The following CENPF variants were observed in gnomAD, a reference collection of about 807,000 sequenced individuals.
CENPF encodes centromere protein F.
A neutral mutation model predicts 307.3 loss-of-function variants in CENPF; 214 were observed. That is an observed-to-expected ratio of 0.70 (90% confidence interval 0.62 to 0.78). The LOEUF is 0.78. Ranked by LOEUF, CENPF falls within the 30% of genes least tolerant of loss-of-function variation. The probability of loss-of-function intolerance (pLI) is 0.00; values close to 1 mark genes in which losing one functional copy is unlikely to be tolerated. For missense variants in CENPF, 3,401 were observed against 3,483.9 expected (o/e 0.98, Z 0.60); for synonymous variants, 1,259 against 1,270.6 (o/e 0.99, Z 0.19).
At position 214,647,188 on chromosome 1, in the gene CENPF, A is replaced by C. The variant is rs1262467355; in HGVS notation, c.7618A>C (p.Lys2540Gln). 1 of 1,614,152 alleles carries C rather than the reference A, an allele frequency of 6.2e-7. No homozygotes were observed. The highest frequency in any genetic ancestry group is 8.5e-7 in the Non-Finnish European group (1 of 1,179,998). ...TCAAGACCAAGAGCAGCTTGTCTCT[A>C]AACTGTCCCAGGTGGAAGGAGAGCA... ...QIQDQEQLVS[K>Q]LSQVEGEHQL... Residue 2540 changes from lysine to glutamine, a missense_variant, in exon 13 of 20, where the codon AAA becomes CAA. By Grantham distance (53) the Lys-to-Gln change is moderately conservative (BLOSUM62 1). Transcript: ENST00000366955.
chr1:214,610,435 A>G (rs369944142), intron 1 of CENPF, among the ~76,000 whole-genome samples: 34 of 149,898 alleles, frequency 2.3e-4, no homozygotes, highest in African/African-American at 7.6e-4. Context: ...TTCTCTAATG[A>G]TAGTGATATT....
At chr1:214,616,440 TATG>T (rs1341894933) in intron 3 of CENPF, among the ~76,000 whole-genome samples, 2 of 152,178 alleles carry the variant, frequency 1.3e-5, no homozygotes, top group Non-Finnish European at 2.9e-5. Context: ...AAGTGGCAAT[TATG>T]ATGTACTTCA....
At chr1:214,625,293 C>T (rs1364618660) in intron 7 of CENPF, among the ~76,000 whole-genome samples, 3 of 152,136 alleles carry the variant, frequency 2.0e-5, no homozygotes, top group Non-Finnish European at 4.4e-5. Context: ...CAGCTCACTG[C>T]AATCTCTGCC....
chr1:214,660,019 A>T (rs569438797), intron 19 of CENPF, among the ~76,000 whole-genome samples: 9 of 152,358 alleles, frequency 5.9e-5, no homozygotes, highest in Non-Finnish European at 1.3e-4. Flanking sequence ...GTGATAATTC[A>T]TAAGTGAGCA....
At chr1:214,617,677 A>T (rs1384933879) in intron 3 of CENPF, among the ~76,000 whole-genome samples, 2 of 152,148 alleles carry the variant, frequency 1.3e-5, no homozygotes, top group African/African-American at 2.4e-5. Context: ...TCTGTGTTTT[A>T]AAAATGTCAT....
intron 2 of CENPF, 37 bp from the exon 3 acceptor site, chr1:214,614,795 A>G (rs1324699437): frequency 7.2e-7 from 1 of 1,393,078 alleles, no homozygotes; most frequent in Non-Finnish European, 9.7e-7. Flanking sequence ...AATTCACAAA[A>G]TAAGGGAGTT....
intron 1 of CENPF, chr1:214,613,310 C>A: frequency 7.9e-6 from 2 of 254,318 alleles, no homozygotes; most frequent in Non-Finnish European, 7.9e-6. Context: ...ACTATGCCAC[C>A]TCCTACCTTT....
At position 214,642,242 on chromosome 1, in the gene CENPF, G is replaced by A; in HGVS notation, c.3904G>A (p.Glu1302Lys). ...SLQTTMNKLN[E>K]LEKICEILQA... is the part of the protein sequence containing the mutation. The stretch of plus-strand genomic sequence containing the variant: ...GCAAACAACAATGAACAAGCTGAAT[G>A]AGCTAGAGAAAATATGTGAAATACT... Residue 1302 changes from glutamate to lysine, a missense_variant, in exon 12 of 20, where the codon GAG becomes AAG. By Grantham distance (56) the Glu-to-Lys change is moderately conservative. Transcript: ENST00000366955. 1 of 1,614,014 alleles carries A rather than the reference G, an allele frequency of 6.2e-7. No individual in the cohort carries two copies. The highest frequency in any genetic ancestry group is 8.5e-7 in the Non-Finnish European group (1 of 1,179,988).
intron 9 of CENPF, among the ~76,000 whole-genome samples, chr1:214,631,666 A>G (rs1009872163): frequency 6.6e-6 from 1 of 151,884 alleles, no homozygotes; most frequent in African/African-American, 2.4e-5. Context: ...CGCCTGGCTG[A>G]TTTTTGTATT....
rs761468200 is a variant in CENPF, at chr1:214,640,730, G to C, written c.2392G>C (p.Ala798Pro). ...DQQPAMHHSF[A>P]NIIGEQGSMP... ...GCAGCCTGCCATGCATCATTCCTTT[G>C]CAAATATAATTGGAGAACAAGGAAG... is the stretch of plus-strand genomic sequence containing the variant. Residue 798 changes from alanine (A) to proline (P), a missense_variant, in exon 12 of 20, where the codon GCA becomes CCA. Physicochemically the swap from Ala to Pro is conservative, Grantham distance 27. Coordinates refer to ENST00000366955, the MANE Select transcript of CENPF (RefSeq NM_016343.4). 6.2e-7 allele frequency: 1 copy of C among 1,614,096 alleles called. No homozygotes were observed. The highest frequency in any genetic ancestry group is 8.5e-7 in the Non-Finnish European group (1 of 1,180,004).
chr1:214,616,247 T>G (rs1558170572), intron 3 of CENPF, among the ~76,000 whole-genome samples: 1 of 152,174 alleles, frequency 6.6e-6, no homozygotes, highest in Non-Finnish European at 1.5e-5. Flanking sequence ...ATACTTTTGT[T>G]TAAGTAATAA....
In CENPF at chr1:214,645,495, G is replaced by A. The variant is rs1235456636; in HGVS notation, c.5925G>A (p.Thr1975=). The change falls in exon 13 of 20, where the codon ACG becomes ACA. Residue 1975 remains threonine, a synonymous_variant. Coordinates refer to ENST00000366955, the MANE Select transcript of CENPF (RefSeq NM_016343.4). ...TAGATACTATGTCAAAAAAAACCACGGCACTGGATCAGTTGTCTGAAAAAA... is the reference window on the plus strand; with the variant it reads ...TAGATACTATGTCAAAAAAAACCACAGCACTGGATCAGTTGTCTGAAAAAA... ...GELDTMSKKT[T]ALDQLSEKMK... 3.1e-6 allele frequency: 5 copies of A among 1,613,796 alleles called. No homozygotes were observed. Among genetic ancestry groups the A allele is most frequent in the Non-Finnish European group, 3.4e-6 (4 of 1,180,006 alleles).
chr1:214,652,209 G>T (rs1341757858), intron 15 of CENPF, among the ~76,000 whole-genome samples: 8 of 149,476 alleles, frequency 5.4e-5, no homozygotes, highest in Non-Finnish European at 1.2e-4. Context: ...CTAATTTTTT[G>T]TATTTTTAGT....
chr1:214,607,051 C>A (rs904489986), intron 1 of CENPF, among the ~76,000 whole-genome samples: 1 of 152,230 alleles, frequency 6.6e-6, no homozygotes, highest in African/African-American at 2.4e-5. Flanking sequence ...CCACAGCTCG[C>A]CACTCACCCA....
intron 1 of CENPF, chr1:214,608,419 T>C: frequency 6.2e-7 from 1 of 1,613,600 alleles, no homozygotes; most frequent in Admixed American, 1.7e-5. Flanking sequence ...GGAGAAGATG[T>C]TGCAATGGAG....
In CENPF at chr1:214,657,057, C is replaced by T; in HGVS notation, c.8610C>T (p.Ser2870=). ...ATAAGTACTGTTCCTTGCTTATAAGCCATGAAAAGTTAGAGAAAGCTAAAG... is the reference window on the plus strand; with the variant it reads ...ATAAGTACTGTTCCTTGCTTATAAGTCATGAAAAGTTAGAGAAAGCTAAAG... ...YLDKYCSLLI[S]HEKLEKAKEM... is the part of the protein sequence containing the mutation. The change falls in exon 18 of 20, where the codon AGC becomes AGT. Residue 2870 remains serine (S), a synonymous_variant. Coordinates refer to ENST00000366955, the MANE Select transcript of CENPF (RefSeq NM_016343.4). 1.2e-6 allele frequency: 2 copies of T among 1,614,080 alleles called. No homozygotes were observed. The highest frequency in any genetic ancestry group is 1.7e-6 in the Non-Finnish European group (2 of 1,179,990).
At chr1:214,608,893 C>A in intron 1 of CENPF, 1 of 1,398,878 alleles carries the variant, frequency 7.1e-7, no homozygotes, top group Non-Finnish European at 9.2e-7. Context: ...AACAACGCCG[C>A]CCGGCCTGGC....
At position 214,608,211 on chromosome 1, in the gene CENPF, G is replaced by A. The variant is rs1232060080; in HGVS notation, c.-42+4890G>A. ...GTGCATCCACTGTGGCTCCCCTCCTGCAGAGCCGCCCACCTTCCTCCCAGG... is the reference window on the plus strand; with the variant it reads ...GTGCATCCACTGTGGCTCCCCTCCTACAGAGCCGCCCACCTTCCTCCCAGG... On this transcript the variant is annotated intron_variant, in intron 1 of 19. Transcript: ENST00000366955. 18 of 1,239,176 alleles carry A rather than the reference G, an allele frequency of 1.5e-5. No homozygotes were observed. In the East Asian group the frequency reaches 4.6e-4, roughly 31 times the overall value. The allele number at this position is 1,239,176 out of a possible 1,614,324, so 76.8% of individuals were successfully genotyped here. A position where few individuals can be genotyped will look rare whatever the true frequency, so the allele number is the denominator to read the frequency against.
chr1:214,661,980 A>G (rs998219317), intron 19 of CENPF, among the ~76,000 whole-genome samples: 9 of 152,244 alleles, frequency 5.9e-5, no homozygotes, highest in African/African-American at 2.2e-4. Context: ...TTCTGAAGCT[A>G]ACTAACCAAC....
Sources: gnomAD v4.1 joint callset for allele counts (sites outside exome capture counted in the v4.1 genomes callset) on GRCh38, gnomAD v4.1.1 for gene constraint, MANE v1.5 for transcripts, NCBI Gene and HGNC (gene_info 2026-07-23, HGNC 2026-07-21) for gene names.